AFM: variants seen among roughly 807,000 people sequenced by gnomAD.
The protein encoded by AFM is afamin.
Under a neutral mutation model 68.7 loss-of-function variants are expected in AFM, and 82 were observed. That is an observed-to-expected ratio of 1.19 (90% CI 1.00 to 1.43). AFM has a LOEUF of 1.43. AFM is among the 40% of genes most tolerant of loss of function. AFM has a pLI of 0.00. For missense variants in AFM, 772 were observed against 701.8 expected (o/e 1.10, Z -1.13); for synonymous variants, 250 against 234.2 (o/e 1.07, Z -0.61).
chr4:73,493,839 A>G (rs16849498), intron 8 of AFM, among the ~76,000 whole-genome samples: 7,699 of 152,272 alleles, frequency 0.051, 619 homozygotes, highest in African/African-American at 0.18. Context: ...TGTTTGATAG[A>G]TAAAAGCCAT....
chr4:73,501,597 T>A (rs1296469529), intron 12 of AFM, among the ~76,000 whole-genome samples, 190 bp from the exon 13 acceptor site: 1 of 152,088 alleles, frequency 6.6e-6, no homozygotes, highest in Non-Finnish European at 1.5e-5. Flanking sequence ...CTTCAAAGAA[T>A]GTTACTGTGG....
In AFM at chr4:73,497,673, A is replaced by G; in HGVS notation, c.1213A>G (p.Thr405Ala). The change falls in exon 10 of 15, where the codon ACT becomes GCT. Residue 405 changes from threonine (T) to alanine (A), a missense_variant. Coordinates refer to ENST00000226355, the MANE Select transcript of AFM (RefSeq NM_001133.2). ...RYAEDKFNET[T>A]EKSLKMVQQE... ...TCAGGAAGACAAATTCAATGAGACA[A>G]CTGAGAAAAGCCTCAAGATGGTACA... is the stretch of plus-strand genomic sequence containing the variant. 2 of 1,607,206 alleles carry G rather than the reference A, an allele frequency of 1.2e-6. No individual in the cohort carries two copies. Among genetic ancestry groups the G allele is most frequent in the Non-Finnish European group, 8.5e-7 (1 of 1,176,732 alleles).
chr4:73,501,931 T>G lies in AFM; in HGVS notation c.1779+12T>G. 1 of 1,608,614 alleles carries G rather than the reference T, an allele frequency of 6.2e-7. No homozygotes were observed. The highest frequency in any genetic ancestry group is 8.5e-7 in the Non-Finnish European group (1 of 1,177,576). Reference sequence around the variant, plus strand: ...GCTTTAATGAAGAGGTAGTTTTATTTCTTTTCTACTGAAATTCAACTGGTT... The same window carrying G: ...GCTTTAATGAAGAGGTAGTTTTATTGCTTTTCTACTGAAATTCAACTGGTT... On this transcript the variant is annotated intron_variant, in intron 13 of 14. Coordinates refer to ENST00000226355, the MANE Select transcript of AFM (RefSeq NM_001133.2).
intron 7 of AFM, among the ~76,000 whole-genome samples, chr4:73,491,104 C>T (rs943148405): frequency 1.3e-5 from 2 of 152,140 alleles, no homozygotes; most frequent in African/African-American, 2.4e-5. Flanking sequence ...AAATAATGTG[C>T]AGTCTCATTC....
In AFM at chr4:73,488,741, G is replaced by A. The variant is rs779175151; in HGVS notation, c.825G>A (p.Val275=). 2 of 1,611,872 alleles carry A rather than the reference G, an allele frequency of 1.2e-6. No homozygotes were observed. Among genetic ancestry groups the A allele is most frequent in the African/African-American group, 1.3e-5 (1 of 74,846 alleles). The change falls in exon 7 of 15, where the codon GTG becomes GTA. Residue 275 remains valine, a synonymous_variant. Coordinates refer to ENST00000226355, the MANE Select transcript of AFM (RefSeq NM_001133.2). ...ATGGATGCTGTGAAGGGGATGTTGT[G>A]CAGTGCATCCGTGACACGGTGAATA... is the stretch of plus-strand genomic sequence containing the variant. ...NYDGCCEGDV[V]QCIRDTSKVM...
At chr4:73,485,614 GGAA>G (rs1381716132) in intron 3 of AFM, among the ~76,000 whole-genome samples, 19 of 145,536 alleles carry the variant, frequency 1.3e-4, no homozygotes, top group South Asian at 2.2e-4. Flanking sequence ...AAGAGGAAGA[GGAA>G]GAAGAAGAAG....
intron 13 of AFM, among the ~76,000 whole-genome samples, 155 bp from the exon 14 acceptor site, chr4:73,502,895 T>C (rs1412251780): frequency 6.6e-6 from 1 of 152,194 alleles, no homozygotes; most frequent in East Asian, 1.9e-4. Flanking sequence ...TCGGTGTCTA[T>C]TTTTTCACTA....
chr4:73,481,893 G>A (rs747348985), intron 1 of AFM, 30 bp downstream of exon 1: 2 of 1,389,210 alleles, frequency 1.4e-6, no homozygotes, highest in East Asian at 2.3e-5. Context: ...ATCAGCTAAA[G>A]CATGACCAGT....
intron 8 of AFM, among the ~76,000 whole-genome samples, chr4:73,494,574 A>T (rs769141990): frequency 6.6e-6 from 1 of 152,190 alleles, no homozygotes; most frequent in Non-Finnish European, 1.5e-5. Flanking sequence ...TAGTTTCCTC[A>T]GTTGTAAAAC....
intron 8 of AFM, among the ~76,000 whole-genome samples, chr4:73,492,624 CT>C (rs36117611): frequency 0.056 from 7,994 of 142,718 alleles, 641 homozygotes; most frequent in African/African-American, 0.19. Context: ...CCTTTCTGTG[CT>C]TTTTTTTTTT....
intron 7 of AFM, among the ~76,000 whole-genome samples, chr4:73,491,639 G>C (rs1721072884): frequency 6.6e-6 from 1 of 152,152 alleles, no homozygotes; most frequent in Non-Finnish European, 1.5e-5. Context: ...TGAATCTATA[G>C]TACAGCCTAT....
intron 3 of AFM, 48 bp downstream of exon 3, chr4:73,484,438 T>C (rs1007793297): frequency 8.0e-7 from 1 of 1,253,486 alleles, no homozygotes; most frequent in South Asian, 2.2e-5. Context: ...ATGTCTTTCT[T>C]TCTCTTTCTT....
intron 11 of AFM, 29 bp downstream of exon 11, chr4:73,499,275 C>CTTT: frequency 5.1e-5 from 62 of 1,221,658 alleles, no homozygotes; most frequent in South Asian, 1.5e-4. Flanking sequence ...CCAGACTACT[C>CTTT]TTTTTTTTTT....
At chr4:73,501,383 C>T (rs2040354) in intron 12 of AFM, among the ~76,000 whole-genome samples, 61,433 of 151,754 alleles carry the variant, frequency 0.4, 13,836 homozygotes, top group African/African-American at 0.6. Flanking sequence ...TTTCTTTGTA[C>T]TGGGAACATT....
At chr4:73,497,627 T>C in intron 9 of AFM, 25 bp from the exon 10 acceptor site, 1 of 1,460,560 alleles carries the variant, frequency 6.8e-7, no homozygotes, top group Non-Finnish European at 9.5e-7. Context: ...AAAATGTTTG[T>C]AACCATGATT....
chr4:73,490,414 T>TTTTG (rs1017949311), intron 7 of AFM, among the ~76,000 whole-genome samples: 5 of 90,614 alleles, frequency 5.5e-5, no homozygotes, highest in African/African-American at 1.2e-4. Context: ...TGATGTAGGA[T>TTTTG]TTTGTTTGTT....
intron 9 of AFM, among the ~76,000 whole-genome samples, chr4:73,496,660 A>T (rs950972826): frequency 2.6e-5 from 4 of 151,936 alleles, no homozygotes; most frequent in Non-Finnish European, 4.4e-5. Context: ...TTTTTAAAAC[A>T]CCTTTATTTG....
Position 73,487,100 on chromosome 4 carries a change from G to T in AFM, c.615+1G>T, listed in dbSNP as rs1451628189. ...CAAAGTCAACTGCCTTCAAACAAGG[G>T]TGGGTATAGCATTTGTTCCATGAAG... On this transcript the variant is annotated splice_donor_variant, in intron 5 of 14. Coordinates refer to ENST00000226355, the MANE Select transcript of AFM (RefSeq NM_001133.2). LOFTEE classifies it high-confidence loss of function. The T allele has an allele frequency of 3.7e-6, 6 of 1,613,750 alleles. No individual in the cohort carries two copies. In the African/African-American group the frequency reaches 6.7e-5, roughly 18 times the overall value.
chr4:73,500,012 A>G lies in AFM; in HGVS notation c.1431A>G (p.Leu477=). 1 of 1,613,756 alleles carries G rather than the reference A, an allele frequency of 6.2e-7. No homozygotes were observed. Among genetic ancestry groups the G allele is most frequent in the South Asian group, 1.1e-5 (1 of 91,068 alleles). Residue 477 remains leucine (L), a synonymous_variant, in exon 12 of 15, where the codon TTA becomes TTG. Coordinates refer to ENST00000226355, the MANE Select transcript of AFM (RefSeq NM_001133.2). Reference sequence around the variant, plus strand: ...AACTCTTGTTGGTACAGGCAGATTTAGTTTTTGGAGAGTTATGTGGAGTAA... The same window carrying G: ...AACTCTTGTTGGTACAGGCAGATTTGGTTTTTGGAGAGTTATGTGGAGTAA... The part of the protein sequence containing the change: ...EFACVDNLAD[L]VFGELCGVNE...
Sources: allele counts gnomAD v4.1 joint callset (sites outside exome capture counted in the v4.1 genomes callset), GRCh38; gene constraint gnomAD v4.1.1; transcripts MANE v1.5; gene names NCBI Gene and HGNC (gene_info 2026-07-23, HGNC 2026-07-21).